Variants in AGPS observed in about 807,000 individuals in gnomAD.
AGPS encodes alkyldihydroxyacetonephosphate synthase, peroxisomal.
In AGPS, 26 loss-of-function variants were observed where a neutral mutation model predicts 90.7. The observed-to-expected ratio is 0.29, with a 90% CI of 0.21 to 0.40. The LOEUF (loss-of-function observed/expected upper bound fraction) is 0.40. AGPS is among the 10% of genes least tolerant of loss of function. The pLI, the probability that AGPS is intolerant of heterozygous loss-of-function variation, is 1.00. For synonymous variants in AGPS, 294 were observed against 285.3 expected (o/e 1.03, Z -0.31); for missense variants, 540 against 816.1 (o/e 0.66, Z 4.12).
At chr2:177,435,009 A>ATATATATG (rs1559044549) in intron 3 of AGPS, among the ~76,000 whole-genome samples, 2 of 146,094 alleles carry the variant, frequency 1.4e-5, no homozygotes, top group African/African-American at 5.0e-5. Context: ...ATATATATAT[A>ATATATATG]TATATATATA....
At chr2:177,514,262 ACT>A (rs1159239312) in intron 17 of AGPS, among the ~76,000 whole-genome samples, 1 of 152,082 alleles carries the variant, frequency 6.6e-6, no homozygotes. Context: ...ACTCAACATG[ACT>A]CTGAAGAGTG....
chr2:177,508,311 A>G (rs773256891), intron 16 of AGPS, among the ~76,000 whole-genome samples: 4 of 152,202 alleles, frequency 2.6e-5, no homozygotes, highest in Non-Finnish European at 5.9e-5. Flanking sequence ...CAGTGTTACT[A>G]TGTGGTTATA....
At chr2:177,414,355 A>G (rs887012001) in intron 1 of AGPS, among the ~76,000 whole-genome samples, 8 of 151,900 alleles carry the variant, frequency 5.3e-5, no homozygotes, top group Non-Finnish European at 7.4e-5. Context: ...ACAGGCTTGC[A>G]CCACCACACC....
intron 10 of AGPS, among the ~76,000 whole-genome samples, chr2:177,468,871 G>A (rs559250769): frequency 6.6e-6 from 1 of 152,056 alleles, no homozygotes; most frequent in East Asian, 1.9e-4. Flanking sequence ...TCGGAGGAAA[G>A]GATTGATAAA....
chr2:177,493,780 G>T (rs922900065), intron 12 of AGPS, among the ~76,000 whole-genome samples: 2 of 152,164 alleles, frequency 1.3e-5, no homozygotes, highest in African/African-American at 2.4e-5. Flanking sequence ...GCTCATTCTG[G>T]CAGCATTGTG....
At chr2:177,460,578 T>G (rs1203320334) in intron 8 of AGPS, among the ~76,000 whole-genome samples, 1 of 152,214 alleles carries the variant, frequency 6.6e-6, no homozygotes, top group East Asian at 1.9e-4. Context: ...TAGGGCTCCA[T>G]GAATGTCTTT....
chr2:177,454,485 T>G (rs1246535175), intron 8 of AGPS, among the ~76,000 whole-genome samples: 1 of 151,910 alleles, frequency 6.6e-6, no homozygotes, highest in Non-Finnish European at 1.5e-5. Flanking sequence ...CAGCTGTGTC[T>G]AACGTCTGTG....
At chr2:177,429,982 T>C (rs961488108) in intron 2 of AGPS, among the ~76,000 whole-genome samples, 1 of 152,190 alleles carries the variant, frequency 6.6e-6, no homozygotes, top group African/African-American at 2.4e-5. Flanking sequence ...TGTGTCACCC[T>C]GTCTGGAGTT....
rs938554346 is a variant in AGPS at position 177,515,404 on chromosome 2, G to A, written c.1697+1496G>A. On this transcript the variant is annotated intron_variant, in intron 17 of 19. Coordinates refer to ENST00000264167, the MANE Select transcript of AGPS (RefSeq NM_003659.4). ...TTTAGATAGTCAAATCTATTCTTGT[G>A]TAGTTGAGAAATTTTTATTCCTTTG... is the stretch of plus-strand genomic sequence containing the variant. Among the ~76,000 whole-genome samples, 15 of 152,068 alleles carry A rather than the reference G, an allele frequency of 9.9e-5. 1 individual carries two copies. Among genetic ancestry groups the A allele is most frequent in the Admixed American group, 9.8e-4 (15 of 15,258 alleles).
intron 11 of AGPS, among the ~76,000 whole-genome samples, chr2:177,484,954 G>C (rs749349627): frequency 5.9e-5 from 9 of 151,994 alleles, no homozygotes; most frequent in African/African-American, 9.7e-5. Flanking sequence ...CTTTTGTAGA[G>C]ATGGGATCTC....
At chr2:177,479,662 C>A (rs772925784) in intron 10 of AGPS, among the ~76,000 whole-genome samples, 5 of 152,074 alleles carry the variant, frequency 3.3e-5, no homozygotes, top group African/African-American at 4.8e-5. Flanking sequence ...GTGAAATAAG[C>A]CAGTCAGAAG....
chr2:177,424,451 GA>G (rs1686022076), intron 2 of AGPS, among the ~76,000 whole-genome samples: 1 of 45,382 alleles, frequency 2.2e-5, no homozygotes, highest in African/African-American at 5.3e-5. Flanking sequence ...ATAATAGAAT[GA>G]TTTTTTTTTT....
At chr2:177,525,457 G>C (rs771710775) in intron 19 of AGPS, among the ~76,000 whole-genome samples, 1 of 152,102 alleles carries the variant, frequency 6.6e-6, no homozygotes, top group Non-Finnish European at 1.5e-5. Flanking sequence ...AACTTTCCCA[G>C]TGTAGCCAAC....
At chr2:177,433,055 C>T (rs950782802) in intron 2 of AGPS, among the ~76,000 whole-genome samples, 4 of 152,308 alleles carry the variant, frequency 2.6e-5, no homozygotes, top group Admixed American at 1.3e-4. Context: ...CAAATTTCAA[C>T]ATGAGGTCTG....
At chr2:177,433,375 T>C (rs1231257414) in intron 2 of AGPS, among the ~76,000 whole-genome samples, 1 of 152,234 alleles carries the variant, frequency 6.6e-6, no homozygotes, top group Non-Finnish European at 1.5e-5. Context: ...ATAGAATTTC[T>C]GTTGTGTTCT....
intron 1 of AGPS, chr2:177,393,546 A>G (rs1685085575): frequency 1.0e-6 from 1 of 985,312 alleles, no homozygotes; most frequent in Non-Finnish European, 1.2e-6. Context: ...GGTAAGTTCC[A>G]CTTGCTTAGG....
At chr2:177,520,742 A>G (rs183066182) in intron 17 of AGPS, among the ~76,000 whole-genome samples, 75 of 152,338 alleles carry the variant, frequency 4.9e-4, no homozygotes, top group Admixed American at 5.9e-4. Flanking sequence ...TGTTACTTTT[A>G]TTGTCAAGAT....
At chr2:177,531,526 T>C (rs566097071) in intron 19 of AGPS, among the ~76,000 whole-genome samples, 1 of 152,296 alleles carries the variant, frequency 6.6e-6, no homozygotes, top group South Asian at 2.1e-4. Context: ...CATACAGTAT[T>C]CATGGTTTGG....
intron 11 of AGPS, among the ~76,000 whole-genome samples, chr2:177,484,592 C>T (rs1349534485): frequency 5.9e-5 from 9 of 151,996 alleles, no homozygotes; most frequent in African/African-American, 1.9e-4. Flanking sequence ...GTGATCCGCC[C>T]GCCCCGGCCT....
Sources: allele counts gnomAD v4.1 joint callset (sites outside exome capture counted in the v4.1 genomes callset), GRCh38; gene constraint gnomAD v4.1.1; transcripts MANE v1.5; gene names NCBI Gene and HGNC (gene_info 2026-07-23, HGNC 2026-07-21).